Variants in GALNT13 observed in about 807,000 individuals in gnomAD.
GALNT13 encodes the protein polypeptide N-acetylgalactosaminyltransferase 13.
GALNT13 carries 28 observed loss-of-function variants against 64.2 expected under a neutral mutation model. That is an observed-to-expected ratio of 0.44 (90% CI 0.32 to 0.60). The LOEUF is 0.60. Among genes scored for constraint, GALNT13 ranks in the 20% least tolerant of loss-of-function variants. GALNT13 has a pLI of 0.05. For missense variants in GALNT13, 577 were observed against 669.8 expected, an observed-to-expected ratio of 0.86 and a Z score of 1.53; for synonymous variants, 214 against 224.6, an observed-to-expected ratio of 0.95 and a Z score of 0.42.
chr2:153,281,823 C>CT, the GALNT13 span, among the ~76,000 whole-genome samples: 1,031 of 131,914 alleles, frequency 7.8e-3, 6 homozygotes, highest in African/African-American at 0.018. Flanking sequence ...GCTTTTAAGG[C>CT]TTTTTTTTTT....
chr2:153,821,570 C>G, the GALNT13 span, among the ~76,000 whole-genome samples: 1 of 152,112 alleles, frequency 6.6e-6, no homozygotes. Flanking sequence ...ACCAAAATCT[C>G]TGGGATGCAG....
chr2:153,983,399 G>T (rs1372945768), intron 3 of GALNT13, among the ~76,000 whole-genome samples: 1 of 151,582 alleles, frequency 6.6e-6, no homozygotes, highest in Non-Finnish European at 1.5e-5. Context: ...AATTAATATT[G>T]ATATTTATTT....
the GALNT13 span, among the ~76,000 whole-genome samples, chr2:153,327,880 A>AT: frequency 6.6e-6 from 1 of 151,962 alleles, no homozygotes; most frequent in Non-Finnish European, 1.5e-5. Context: ...AGACATTCTG[A>AT]TTTTTGAAAT....
At chr2:153,662,576 C>T in the GALNT13 span, among the ~76,000 whole-genome samples, 1 of 152,140 alleles carries the variant, frequency 6.6e-6, no homozygotes, top group Non-Finnish European at 1.5e-5. Context: ...CATCCTATCA[C>T]ACAGATTTTC....
the GALNT13 span, among the ~76,000 whole-genome samples, chr2:153,744,313 C>G: frequency 6.6e-6 from 1 of 152,042 alleles, no homozygotes; most frequent in Non-Finnish European, 1.5e-5. Flanking sequence ...CAAGGGTTCC[C>G]TTTTCTCCAC....
the GALNT13 span, among the ~76,000 whole-genome samples, chr2:153,661,023 A>T: frequency 6.6e-6 from 1 of 152,062 alleles, no homozygotes; most frequent in East Asian, 1.9e-4. Context: ...GATAGGTATA[A>T]ATAGGGGAAA....
chr2:153,222,039 T>G, the GALNT13 span, among the ~76,000 whole-genome samples: 1 of 152,054 alleles, frequency 6.6e-6, no homozygotes, highest in South Asian at 2.1e-4. Context: ...CAGCCCTGTT[T>G]GTGTTACAGC....
chr2:153,393,512 G>A, the GALNT13 span, among the ~76,000 whole-genome samples: 12 of 151,832 alleles, frequency 7.9e-5, no homozygotes, highest in South Asian at 2.1e-4. Flanking sequence ...TTAATGTTCC[G>A]TTGCTGTATA....
At chr2:153,414,509 T>C in the GALNT13 span, among the ~76,000 whole-genome samples, 25 of 150,228 alleles carry the variant, frequency 1.7e-4, no homozygotes, top group Non-Finnish European at 3.5e-4. Flanking sequence ...AATTGATCTA[T>C]ACCACTGCCA....
the GALNT13 span, among the ~76,000 whole-genome samples, chr2:153,347,186 C>G: frequency 2.0e-5 from 3 of 152,192 alleles, no homozygotes; most frequent in Non-Finnish European, 4.4e-5. Flanking sequence ...AAAGCCCAAC[C>G]TGGCCTTAGC....
chr2:154,237,917 T>G (rs558798597), intron 4 of GALNT13, among the ~76,000 whole-genome samples: 3 of 152,112 alleles, frequency 2.0e-5, no homozygotes, highest in Non-Finnish European at 4.4e-5. Flanking sequence ...TTTATATGAT[T>G]AAACAAAGAT....
At chr2:153,974,397 G>A (rs1693943112) in intron 3 of GALNT13, among the ~76,000 whole-genome samples, 2 of 152,044 alleles carry the variant, frequency 1.3e-5, no homozygotes, top group Admixed American at 6.6e-5. Flanking sequence ...GCTATTGTGA[G>A]CCTCAGTTTT....
intron 2 of GALNT13, among the ~76,000 whole-genome samples, chr2:153,915,718 C>T (rs1383916933): frequency 6.6e-6 from 1 of 152,024 alleles, no homozygotes; most frequent in Admixed American, 6.6e-5. Flanking sequence ...GTCTTAGCTA[C>T]ATAACTTCAT....
At chr2:154,226,843 T>A (rs75381228) in intron 4 of GALNT13, among the ~76,000 whole-genome samples, 3,706 of 152,264 alleles carry the variant, frequency 0.024, 134 homozygotes, top group African/African-American at 0.077. Flanking sequence ...TGATATTCAA[T>A]TTCAGAGTAT....
In GALNT13 at chr2:153,995,539, C is replaced by T. The variant is rs1392392370; in HGVS notation, c.142+50900C>T. On this transcript the variant is annotated intron_variant, in intron 3 of 12. Transcript: ENST00000392825. ...TTTAAAAGTTTTTGTTTATATTTGGCACATAATTTTACATGTTTATAGGGT... is the reference window on the plus strand; with the variant it reads ...TTTAAAAGTTTTTGTTTATATTTGGTACATAATTTTACATGTTTATAGGGT... Among the ~76,000 whole-genome samples the T allele has an allele frequency of 2.6e-5, 4 of 152,052 alleles. No homozygotes were observed. The East Asian group carries it at 7.7e-4, about 29-fold the overall frequency.
chr2:153,898,580 A>T (rs1166013100), intron 1 of GALNT13, among the ~76,000 whole-genome samples: 1 of 152,094 alleles, frequency 6.6e-6, no homozygotes, highest in African/African-American at 2.4e-5. Flanking sequence ...ATGTAAAATT[A>T]TTATATGAGG....
At chr2:153,371,443 G>C in the GALNT13 span, among the ~76,000 whole-genome samples, 1 of 152,056 alleles carries the variant, frequency 6.6e-6, no homozygotes, top group South Asian at 2.1e-4. Flanking sequence ...GTACAAAAAA[G>C]TTTATAGCAC....
the GALNT13 span, among the ~76,000 whole-genome samples, chr2:153,134,151 G>T: frequency 1.3e-5 from 2 of 151,736 alleles, no homozygotes; most frequent in South Asian, 2.1e-4. Context: ...AGACCATAAA[G>T]GACAGACTCT....
chr2:154,132,692 G>T (rs927386361), intron 3 of GALNT13, among the ~76,000 whole-genome samples: 1 of 151,694 alleles, frequency 6.6e-6, no homozygotes, highest in Non-Finnish European at 1.5e-5. Context: ...TCAAGACCAA[G>T]CTGGCCAACT....
Sources: allele counts gnomAD v4.1 joint callset (sites outside exome capture counted in the v4.1 genomes callset), GRCh38; gene constraint gnomAD v4.1.1; transcripts MANE v1.5; gene names NCBI Gene and HGNC (gene_info 2026-07-23, HGNC 2026-07-21).